MEI4: variants seen among roughly 807,000 people sequenced by gnomAD.
MEI4 encodes the protein meiosis-specific protein MEI4.
In MEI4, 27 loss-of-function variants were observed where a neutral mutation model predicts 31.4. The observed-to-expected ratio is 0.86, with a 90% CI of 0.63 to 1.19. MEI4 has a LOEUF of 1.19. Among genes scored for constraint, MEI4 ranks in the 50% most tolerant of loss-of-function variants. The pLI is 0.00. For missense variants in MEI4, 329 were observed against 398.9 expected, an observed-to-expected ratio of 0.82 and a Z score of 1.49; for synonymous variants, 122 against 145.4, an observed-to-expected ratio of 0.84 and a Z score of 1.16.
chr6:77,704,490 A>G (rs1766289071), intron 2 of MEI4, among the ~76,000 whole-genome samples: 1 of 152,234 alleles, frequency 6.6e-6, no homozygotes, highest in Non-Finnish European at 1.5e-5. Context: ...AATGACTTTT[A>G]GTACTTTAAG....
In MEI4 at chr6:77,923,720, T is replaced by TCCATATAA. The variant is rs1766769720; in HGVS notation, c.*374_*375insCCATATAA. 4.6e-5 allele frequency: 3 copies of TCCATATAA among 64,570 alleles called. No individual in the cohort carries two copies. The highest frequency in any genetic ancestry group is 7.4e-5 in the Non-Finnish European group (3 of 40,296). 4.0% of individuals were successfully genotyped at this position (64,570 alleles called of 1,614,324 possible). A position where few individuals can be genotyped will look rare whatever the true frequency, so the allele number is the denominator to read the frequency against. ...TAAATGGTAATCAAAGAAAGAGATT[T>TCCATATAA]TTAAAGAAGTTTAGTTGCATTATCA... On this transcript the variant is annotated 3_prime_UTR_variant, in exon 5 of 5. Coordinates refer to ENST00000684080, the MANE Select transcript of MEI4 (RefSeq NM_001322247.2).
At chr6:77,759,181 C>A (rs1276339229) in intron 2 of MEI4, among the ~76,000 whole-genome samples, 1 of 152,060 alleles carries the variant, frequency 6.6e-6, no homozygotes, top group African/African-American at 2.4e-5. Flanking sequence ...GAAACTGTTT[C>A]CTTGACTTTT....
At chr6:77,797,149 G>A (rs1176409242) in intron 3 of MEI4, among the ~76,000 whole-genome samples, 1 of 152,114 alleles carries the variant, frequency 6.6e-6, no homozygotes, top group Non-Finnish European at 1.5e-5. Context: ...GTAAAATAAT[G>A]AAATTGGATT....
chr6:77,669,995 G>C (rs554223403), intron 1 of MEI4, among the ~76,000 whole-genome samples: 2 of 152,232 alleles, frequency 1.3e-5, no homozygotes, highest in African/African-American at 4.8e-5. Context: ...TCATATCAGT[G>C]GATGTTAAGT....
intron 2 of MEI4, among the ~76,000 whole-genome samples, chr6:77,726,323 A>G (rs540141878): frequency 5.3e-5 from 8 of 152,074 alleles, no homozygotes; most frequent in South Asian, 2.1e-4. Context: ...ACTTCTTTCT[A>G]CACAGACACA....
At position 77,874,812 on chromosome 6, in the gene MEI4, T is replaced by A. The variant is rs568186415; in HGVS notation, c.900+45750T>A. 2.6e-5 allele frequency among the ~76,000 whole-genome samples: 4 copies of A among 152,328 alleles called. No individual in the cohort carries two copies. In the South Asian group the frequency reaches 8.3e-4, roughly 32 times the overall value. ...CCTAATTTGTTGAGAGTTTTTAGCA[T>A]GAAGAGTTGTTGAATTTTGTCAAAG... On this transcript the variant is annotated intron_variant, in intron 4 of 4. Transcript: ENST00000684080.
chr6:77,763,651 T>C (rs1397769373), intron 3 of MEI4, among the ~76,000 whole-genome samples: 1 of 152,188 alleles, frequency 6.6e-6, no homozygotes, highest in East Asian at 1.9e-4. Context: ...AGTTTTCATT[T>C]CTTGTAGAGT....
chr6:77,691,012 A>G lies in MEI4; in HGVS notation c.232+109A>G, dbSNP rs111553654. On this transcript the variant is annotated intron_variant, in intron 2 of 4. Coordinates refer to ENST00000684080, the MANE Select transcript of MEI4 (RefSeq NM_001322247.2). ...ACATGAAAATTTTTAGTTTCCATGA[A>G]AGCTCGACATCTTCTAGCCTTATAC... 7.4e-4 allele frequency: 365 copies of G among 494,326 alleles called. 1 individual carries two copies. Among genetic ancestry groups the G allele is most frequent in the Middle Eastern group, 4.6e-3 (8 of 1,752 alleles). 30.6% of individuals were successfully genotyped at this position (494,326 alleles called of 1,614,324 possible). A position where few individuals can be genotyped will look rare whatever the true frequency, so the allele number is the denominator to read the frequency against.
chr6:77,801,201 T>G (rs1180803219), intron 3 of MEI4, among the ~76,000 whole-genome samples: 2 of 152,214 alleles, frequency 1.3e-5, no homozygotes, highest in Admixed American at 6.5e-5. Context: ...AGATTCAACT[T>G]CTTCCTGGTT....
At chr6:77,676,381 A>G (rs1455456466) in intron 1 of MEI4, among the ~76,000 whole-genome samples, 1 of 152,030 alleles carries the variant, frequency 6.6e-6, no homozygotes, top group Non-Finnish European at 1.5e-5. Flanking sequence ...AAAAAAATTA[A>G]CCAGGTATGG....
intron 4 of MEI4, among the ~76,000 whole-genome samples, chr6:77,856,923 T>G (rs1770760030): frequency 6.6e-6 from 1 of 152,216 alleles, no homozygotes; most frequent in African/African-American, 2.4e-5. Context: ...TATATGTTAA[T>G]AATTATTTGG....
intron 4 of MEI4, among the ~76,000 whole-genome samples, chr6:77,855,903 A>T (rs971217374): frequency 6.6e-6 from 1 of 152,178 alleles, no homozygotes; most frequent in Non-Finnish European, 1.5e-5. Flanking sequence ...AGGCCATGAT[A>T]TGCGAGTTTA....
chr6:77,851,813 G>A (rs1283874419), intron 4 of MEI4, among the ~76,000 whole-genome samples: 1 of 151,968 alleles, frequency 6.6e-6, no homozygotes, highest in Non-Finnish European at 1.5e-5. Flanking sequence ...GATTTGAAAG[G>A]GGAGATCGTG....
intron 3 of MEI4, among the ~76,000 whole-genome samples, chr6:77,786,583 A>G (rs76672792): frequency 0.029 from 4,468 of 152,206 alleles, 230 homozygotes; most frequent in African/African-American, 0.1. Flanking sequence ...GGGAAAAAGA[A>G]ATAAGTAATA....
chr6:77,802,256 G>T (rs756281689), intron 3 of MEI4, among the ~76,000 whole-genome samples: 48 of 152,084 alleles, frequency 3.2e-4, no homozygotes, highest in Non-Finnish European at 5.7e-4. Flanking sequence ...ATCTTTGTTG[G>T]TTTAAAGTCT....
At chr6:77,903,908 A>T (rs995891038) in intron 4 of MEI4, among the ~76,000 whole-genome samples, 2 of 152,080 alleles carry the variant, frequency 1.3e-5, no homozygotes, top group African/African-American at 4.8e-5. Flanking sequence ...TGGAATATCT[A>T]TTTCTATCCC....
intron 4 of MEI4, among the ~76,000 whole-genome samples, chr6:77,868,167 A>G (rs576615204): frequency 5.9e-5 from 9 of 151,972 alleles, no homozygotes; most frequent in African/African-American, 1.9e-4. Context: ...ATGTATACAT[A>G]TGTAACTAAC....
At position 77,847,902 on chromosome 6, in the gene MEI4, T is replaced by C. The variant is rs1014056457; in HGVS notation, c.900+18840T>C. 1.4e-4 allele frequency among the ~76,000 whole-genome samples: 22 copies of C among 152,170 alleles called. No homozygotes were observed. Among genetic ancestry groups the C allele is most frequent in the Non-Finnish European group, 2.8e-4 (19 of 68,014 alleles). Reference sequence around the variant, plus strand: ...ACCCTGAAACTCACATTACTTGTTTTCCAAGCTGTAATTCACTCAGAATTA... The same window carrying C: ...ACCCTGAAACTCACATTACTTGTTTCCCAAGCTGTAATTCACTCAGAATTA... On this transcript the variant is annotated intron_variant, in intron 4 of 4. Transcript: ENST00000684080. The surrounding 1 kb of genome is among the most constrained non-coding windows in gnomAD (Gnocchi z 4.6).
At chr6:77,675,812 A>T (rs762030723) in intron 1 of MEI4, among the ~76,000 whole-genome samples, 6 of 152,216 alleles carry the variant, frequency 3.9e-5, no homozygotes, top group Non-Finnish European at 8.8e-5. Context: ...TAAGTAACTC[A>T]AATGGGCCAC....
Sources: allele counts gnomAD v4.1 joint callset (sites outside exome capture counted in the v4.1 genomes callset), GRCh38; gene constraint gnomAD v4.1.1; non-coding constraint Gnocchi (gnomAD v3.1); transcripts MANE v1.5; gene names NCBI Gene and HGNC (gene_info 2026-07-23, HGNC 2026-07-21).